NDUFS1: variants seen among roughly 807,000 people sequenced by gnomAD.
NDUFS1 encodes the protein NADH-ubiquinone oxidoreductase 75 kDa subunit, mitochondrial.
NDUFS1 carries 61 observed loss-of-function variants against 84.4 expected under a neutral mutation model. That is an observed-to-expected ratio of 0.72 (90% CI 0.59 to 0.89). The LOEUF (loss-of-function observed/expected upper bound fraction) is 0.89, where lower values mean the gene tolerates loss of function less well. Ranked by LOEUF, NDUFS1 falls within the 40% of genes least tolerant of loss-of-function variation. The probability of loss-of-function intolerance (pLI) is 0.00; values close to 1 mark genes in which losing one functional copy is unlikely to be tolerated. For missense variants in NDUFS1, 891 were observed against 890.0 expected, an observed-to-expected ratio of 1.00 and a Z score of -0.01; for synonymous variants, 275 against 290.0, an observed-to-expected ratio of 0.95 and a Z score of 0.53.
chr2:206,149,941 A>T lies in NDUFS1; in HGVS notation c.154-16T>A. On this transcript the variant is annotated splice_polypyrimidine_tract_variant and intron_variant, in intron 3 of 18. Transcript: ENST00000233190. ...TCTCACAAGCCTAGAAGTAAAAAAA[A>T]AAAAAAAAAAAAAAAAAGCATTAGA... 28 of 1,431,266 alleles carry T rather than the reference A, an allele frequency of 2.0e-5. No individual in the cohort carries two copies. Among genetic ancestry groups the T allele is most frequent in the Non-Finnish European group, 2.7e-5 (28 of 1,033,182 alleles). 88.7% of individuals were successfully genotyped at this position (1,431,266 alleles called of 1,614,324 possible). A position where few individuals can be genotyped will look rare whatever the true frequency, so the allele number is the denominator to read the frequency against.
rs1690907889 is a variant in NDUFS1 at position 206,115,012 on chromosome 2, A to C, written c.*9173T>G. On this transcript the variant is annotated 3_prime_UTR_variant, in exon 19 of 19. Coordinates refer to ENST00000233190, the MANE Select transcript of NDUFS1 (RefSeq NM_005006.7). ...TGCATGTTTCATTTTATGATTATACAAAAAAATTTTTCAGCAGTTCCCTAT... is the reference window on the plus strand; with the variant it reads ...TGCATGTTTCATTTTATGATTATACCAAAAAATTTTTCAGCAGTTCCCTAT... 1 of 152,220 alleles carries C rather than the reference A, an allele frequency of 6.6e-6. No individual in the cohort carries two copies. 9.4% of individuals were successfully genotyped at this position (152,220 alleles called of 1,614,324 possible).
intron 13 of NDUFS1, among the ~76,000 whole-genome samples, chr2:206,135,395 C>A (rs186579327): frequency 1.9e-3 from 284 of 152,188 alleles, no homozygotes; most frequent in African/African-American, 6.6e-3. Context: ...CGTTCTCAGG[C>A]CAGGCACAGT....
intron 4 of NDUFS1, 86 bp downstream of exon 4, chr2:206,149,732 C>T (rs966692527): frequency 2.8e-5 from 27 of 957,966 alleles, no homozygotes; most frequent in South Asian, 1.4e-4. Flanking sequence ...TTCTCCACTA[C>T]GATATTGATT....
Position 206,130,254 on chromosome 2 carries a change from T to C in NDUFS1, c.1554-12A>G. ...CTTGACTTGCAATCCTGCAAAGCAA[T>C]TATGGAATTTTACCATAACTGCAGT... is the stretch of plus-strand genomic sequence containing the variant. On this transcript the variant is annotated splice_polypyrimidine_tract_variant and intron_variant, in intron 14 of 18. Transcript: ENST00000233190. 1.2e-6 allele frequency: 2 copies of C among 1,614,130 alleles called. No individual in the cohort carries two copies. The highest frequency in any genetic ancestry group is 1.7e-6 in the Non-Finnish European group (2 of 1,179,994).
At position 206,149,931 on chromosome 2, in the gene NDUFS1, A is replaced by T; in HGVS notation, c.154-6T>A. On this transcript the variant is annotated splice_region_variant and splice_polypyrimidine_tract_variant and intron_variant, in intron 3 of 18. Transcript: ENST00000233190. ...ATGCCAACCTTCTCACAAGCCTAGA[A>T]GTAAAAAAAAAAAAAAAAAAAAAAA... is the stretch of plus-strand genomic sequence containing the variant. The T allele has an allele frequency of 9.9e-7, 1 of 1,006,194 alleles. No homozygotes were observed. The highest frequency in any genetic ancestry group is 1.5e-6 in the Non-Finnish European group (1 of 686,000). The allele number at this position is 1,006,194 out of a possible 1,614,324, so 62.3% of individuals were successfully genotyped here. A position where few individuals can be genotyped will look rare whatever the true frequency, so the allele number is the denominator to read the frequency against.
intron 1 of NDUFS1, among the ~76,000 whole-genome samples, chr2:206,153,902 T>G (rs1692472688): frequency 6.6e-6 from 1 of 152,216 alleles, no homozygotes; most frequent in Non-Finnish European, 1.5e-5. Flanking sequence ...TGTATACATT[T>G]GGACTTTCTA....
At chr2:206,142,944 A>G (rs1206686919) in intron 10 of NDUFS1, 113 bp from the exon 11 acceptor site, 3 of 1,427,256 alleles carry the variant, frequency 2.1e-6, no homozygotes, top group Admixed American at 2.0e-5. Flanking sequence ...AAGTTAACAG[A>G]CTTCTGATTA....
chr2:206,153,136 T>A (rs558955080), intron 2 of NDUFS1, among the ~76,000 whole-genome samples: 1 of 152,170 alleles, frequency 6.6e-6, no homozygotes, highest in Non-Finnish European at 1.5e-5. Context: ...ATAATTCCTA[T>A]AAACTGTTTA....
At chr2:206,127,254 C>T (rs1192807253) in intron 16 of NDUFS1, among the ~76,000 whole-genome samples, 2 of 152,166 alleles carry the variant, frequency 1.3e-5, no homozygotes, top group Non-Finnish European at 2.9e-5. Context: ...CAATTTCAGG[C>T]CAGGTGCAGT....
At chr2:206,125,523 AT>A (rs1481295271) in intron 18 of NDUFS1, among the ~76,000 whole-genome samples, 1 of 151,644 alleles carries the variant, frequency 6.6e-6, no homozygotes, top group African/African-American at 2.4e-5. Context: ...TTACATATAA[AT>A]AACAATAGTT....
intron 15 of NDUFS1, 120 bp from the exon 16 acceptor site, chr2:206,128,092 C>T: frequency 8.9e-7 from 1 of 1,124,188 alleles, no homozygotes; most frequent in South Asian, 1.4e-5. Context: ...GTTTTTAAAA[C>T]TAAAATGAAA....
At chr2:206,152,896 G>C (rs2105982824) in intron 2 of NDUFS1, among the ~76,000 whole-genome samples, 1 of 151,956 alleles carries the variant, frequency 6.6e-6, no homozygotes, top group Middle Eastern at 3.4e-3. Flanking sequence ...TAGAGACAGG[G>C]TTTCGCCATA....
chr2:206,144,031 C>CGA lies in NDUFS1; in HGVS notation c.972_973dup (p.Arg325LeufsTer3), dbSNP rs772446403. 6.2e-7 allele frequency: 1 copy of CGA among 1,609,866 alleles called. No individual in the cohort carries two copies. The highest frequency in any genetic ancestry group is 8.5e-7 in the Non-Finnish European group (1 of 1,176,220). The stretch of plus-strand genomic sequence containing the variant: ...TTCAAATTTTACCATTCCAGCTACG[C>CGA]GAGAGAGCGCATCCTCCCAAGAAGT... On this transcript the variant is annotated frameshift_variant, in exon 10 of 19. Transcript: ENST00000233190. LOFTEE classifies it high-confidence loss of function.
Position 206,138,605 on chromosome 2 carries a change from A to T in NDUFS1, c.1272T>A (p.His424Gln), listed in dbSNP as rs1320329305. 3.7e-6 allele frequency: 6 copies of T among 1,614,028 alleles called. No individual in the cohort carries two copies. The highest frequency in any genetic ancestry group is 4.2e-6 in the Non-Finnish European group (5 of 1,179,900). ...FNARIRKSWL[H>Q]NDLKVALIGS... ...CTATAAGGGCCACTTTTAAGTCATT[A>T]TGCAGCCAGCTGAAATAAAAACAAC... is the stretch of plus-strand genomic sequence containing the variant. The change falls in exon 13 of 19, where the codon CAT becomes CAA. Residue 424 changes from histidine (H) to glutamine (Q), a missense_variant. Coordinates refer to ENST00000233190, the MANE Select transcript of NDUFS1 (RefSeq NM_005006.7).
intron 13 of NDUFS1, among the ~76,000 whole-genome samples, chr2:206,136,869 C>A (rs1036021369): frequency 1.3e-5 from 2 of 152,022 alleles, no homozygotes; most frequent in Non-Finnish European, 2.9e-5. Flanking sequence ...GATTCTCCTG[C>A]CTCAGCCTCC....
chr2:206,147,740 T>C lies in NDUFS1; in HGVS notation c.420+13A>G, dbSNP rs559385069. On this transcript the variant is annotated intron_variant, in intron 6 of 18. Transcript: ENST00000233190. ...GAGACAACCAAAAAGATTGACAGAA[T>C]TCTACTACATACCTGCAGATCACAT... The C allele has an allele frequency of 4.3e-6, 7 of 1,613,866 alleles. No individual in the cohort carries two copies. The African/African-American group carries it at 8.0e-5, about 18-fold the overall frequency.
chr2:206,136,465 G>C (rs1282205263), intron 13 of NDUFS1, among the ~76,000 whole-genome samples: 1 of 132,692 alleles, frequency 7.5e-6, no homozygotes, highest in Non-Finnish European at 1.6e-5. Flanking sequence ...ATGGAGTCTC[G>C]CTCTGTCGCC....
chr2:206,152,390 CA>C, intron 3 of NDUFS1, 28 bp downstream of exon 3: 2 of 1,564,970 alleles, frequency 1.3e-6, no homozygotes, highest in Non-Finnish European at 1.8e-6. Flanking sequence ...TCAGAACACA[CA>C]CACAAAATAG....
rs1399997218 is a variant in NDUFS1, at chr2:206,159,123, CT to C, written c.-5+217del. 12 of 1,535,632 alleles carry C rather than the reference CT, an allele frequency of 7.8e-6. No homozygotes were observed. The East Asian group carries it at 1.5e-4, about 19-fold the overall frequency. ...TCGTGACAGCGTTCCCGAGGACCCC[CT>C]GATCCTCATCTTCTTTTCTGCTTCA... On this transcript the variant is annotated intron_variant, in intron 1 of 18. Coordinates refer to ENST00000233190, the MANE Select transcript of NDUFS1 (RefSeq NM_005006.7).
Sources: gnomAD v4.1 joint callset for allele counts (sites outside exome capture counted in the v4.1 genomes callset) on GRCh38, gnomAD v4.1.1 for gene constraint, MANE v1.5 for transcripts, NCBI Gene and HGNC (gene_info 2026-07-23, HGNC 2026-07-21) for gene names.